Variants in FOXM1 observed in about 807,000 individuals in gnomAD.
The protein encoded by FOXM1 is forkhead box M1.
Under a neutral mutation model 63.6 loss-of-function variants are expected in FOXM1, and 25 were observed. The ratio of observed to expected loss-of-function variants is 0.39; its 90% CI spans 0.29 to 0.55. The LOEUF (loss-of-function observed/expected upper bound fraction) is 0.55, where lower values mean the gene tolerates loss of function less well. Among genes scored for constraint, FOXM1 ranks in the 20% least tolerant of loss-of-function variants. The pLI is 0.60. For missense variants in FOXM1, 879 were observed against 958.7 expected (o/e 0.92, Z 1.10); for synonymous variants, 387 against 376.9 (o/e 1.03, Z -0.31).
rs1475970440 is a variant in FOXM1, at chr12:2,874,569, C to T, written c.-47-44G>A. 2.2e-6 allele frequency: 3 copies of T among 1,364,824 alleles called. No individual in the cohort carries two copies. Among genetic ancestry groups the T allele is most frequent in the South Asian group, 1.4e-5 (1 of 71,488 alleles). 84.5% of individuals were successfully genotyped at this position (1,364,824 alleles called of 1,614,324 possible). On this transcript the variant is annotated intron_variant, in intron 1 of 8. Transcript: ENST00000359843. This position sits in a 1 kb window ranked among gnomAD's most constrained non-coding sequence, Gnocchi z 4.3. The stretch of plus-strand genomic sequence containing the variant: ...GGCAAGATGTTAGAGATTGTTTAGG[C>T]TGAGAAGAGGTCCTTTTAGAGAAAG...
rs1470169668 is a variant in FOXM1 at position 2,872,877 on chromosome 12, C to A, written c.503-630G>T. On this transcript the variant is annotated intron_variant, in intron 2 of 8. Coordinates refer to ENST00000359843, the MANE Select transcript of FOXM1 (RefSeq NM_021953.4). The surrounding 1 kb of genome is among the most constrained non-coding windows in gnomAD (Gnocchi z 4.0). ...TTTCAGCCTGGGCAATATAGTGGGACCCCATCTCTGCAAAAAGAAAAAAAA... is the reference window on the plus strand; with the variant it reads ...TTTCAGCCTGGGCAATATAGTGGGAACCCATCTCTGCAAAAAGAAAAAAAA... 6.6e-6 allele frequency among the ~76,000 whole-genome samples: 1 copy of A among 151,910 alleles called. No individual in the cohort carries two copies. Among genetic ancestry groups the A allele is most frequent in the African/African-American group, 2.4e-5 (1 of 41,356 alleles).
Position 2,864,551 on chromosome 12 carries a change from G to A in FOXM1, c.1091-56C>T. Reference sequence around the variant, plus strand: ...GGGGACTGGAGTACACCCCTTCTCAGCCCCAGGAGCTTTGCTCTCCTTCTC... The same window carrying A: ...GGGGACTGGAGTACACCCCTTCTCAACCCCAGGAGCTTTGCTCTCCTTCTC... On this transcript the variant is annotated intron_variant, in intron 7 of 8. Transcript: ENST00000359843. This position sits in a 1 kb window ranked among gnomAD's most constrained non-coding sequence, Gnocchi z 5.1. The A allele has an allele frequency of 6.3e-7, 1 of 1,585,010 alleles. No individual in the cohort carries two copies. The highest frequency in any genetic ancestry group is 8.6e-7 in the Non-Finnish European group (1 of 1,156,870).
intron 8 of FOXM1, among the ~76,000 whole-genome samples, chr12:2,861,816 A>T (rs989169071): frequency 6.6e-6 from 1 of 152,212 alleles, no homozygotes; most frequent in Non-Finnish European, 1.5e-5. Context: ...TATTACATGG[A>T]CACTAAAAAA....
chr12:2,872,214 T>C lies in FOXM1; in HGVS notation c.536A>G (p.Asn179Ser), dbSNP rs199924724. ...AAGCCACTGGATGTTGGATAGGCTA[T>C]TGTTGATAGTGCAGCCTGCTGCCTC... The part of the protein sequence containing the change: ...DGEAAGCTIN[N>S]SLSNIQWLRK... Residue 179 changes from asparagine (N) to serine (S), a missense_variant, in exon 3 of 9, where the codon AAT becomes AGT. By Grantham distance (46) the Asn-to-Ser change is conservative. Transcript: ENST00000359843. This position sits in a 1 kb window ranked among gnomAD's most constrained non-coding sequence, Gnocchi z 4.0. The C allele has an allele frequency of 1.2e-6, 2 of 1,614,214 alleles. No homozygotes were observed. Among genetic ancestry groups the C allele is most frequent in the East Asian group, 2.2e-5 (1 of 44,890 alleles).
rs2098093122 is a variant in FOXM1, at chr12:2,857,823, T to A, written c.*815A>T. The A allele has an allele frequency of 6.6e-6, 1 of 152,362 alleles. No homozygotes were observed. Among genetic ancestry groups the A allele is most frequent in the Admixed American group, 6.5e-5 (1 of 15,276 alleles). The allele number at this position is 152,362 out of a possible 1,614,324, so 9.4% of individuals were successfully genotyped here. ...GGCAGGTCAGGGGCCCTTTCGGCCT[T>A]CTCAAGCCTCCACCTGAGTTCTCGT... On this transcript the variant is annotated 3_prime_UTR_variant, in exon 9 of 9. Transcript: ENST00000359843.
intron 4 of FOXM1, 101 bp from the exon 5 acceptor site, chr12:2,866,622 C>G (rs778495642): frequency 2.3e-6 from 3 of 1,290,018 alleles, no homozygotes; most frequent in Non-Finnish European, 2.1e-6. Flanking sequence ...TCCCACTGTG[C>G]TCAGCACAGG....
Position 2,859,257 on chromosome 12 carries a change from G to C in FOXM1, c.1673C>G (p.Pro558Arg), listed in dbSNP as rs757092453. ...QHLLPPCVDE[P>R]ELLFSEGPST... Reference sequence around the variant, plus strand: ...GGGCCCCTCTGAGAAGAGCAGCTCCGGCTCATCCACACAGGGAGGCAGTAG... The same window carrying C: ...GGGCCCCTCTGAGAAGAGCAGCTCCCGCTCATCCACACAGGGAGGCAGTAG... Residue 558 changes from proline to arginine, a missense_variant, in exon 9 of 9, where the codon CCG (proline) becomes CGG (arginine). Coordinates refer to ENST00000359843, the MANE Select transcript of FOXM1 (RefSeq NM_021953.4). The C allele has an allele frequency of 6.2e-7, 1 of 1,613,564 alleles. No homozygotes were observed. The highest frequency in any genetic ancestry group is 8.5e-7 in the Non-Finnish European group (1 of 1,180,018).
Position 2,859,104 on chromosome 12 carries a change from G to A in FOXM1, c.1826C>T (p.Ser609Phe), listed in dbSNP as rs999276165. 1.9e-6 allele frequency: 3 copies of A among 1,606,320 alleles called. No homozygotes were observed. The highest frequency in any genetic ancestry group is 1.3e-5 in the African/African-American group (1 of 74,760). The change falls in exon 9 of 9, where the codon TCC becomes TTC. Residue 609 changes from serine to phenylalanine, a missense_variant. Physicochemically the swap from Ser to Phe is radical, Grantham distance 155. Around this residue, in one of 4 missense-constraint regions of FOXM1, gnomAD observed 486 missense variants for 453.5 expected, o/e 1.07. Coordinates refer to ENST00000359843, the MANE Select transcript of FOXM1 (RefSeq NM_021953.4). ...GAGGACAGATTTGCTCGGGGTGGAGGAGATGGGCAGCGTTTCCTTAATGGG... is the reference window on the plus strand; with the variant it reads ...GAGGACAGATTTGCTCGGGGTGGAGAAGATGGGCAGCGTTTCCTTAATGGG... ...KTPIKETLPI[S>F]STPSKSVLPR...
intron 4 of FOXM1, among the ~76,000 whole-genome samples, chr12:2,867,046 G>A (rs990074150): frequency 3.9e-5 from 6 of 152,136 alleles, no homozygotes; most frequent in Admixed American, 3.9e-4. Context: ...CCAGCTACTC[G>A]GGAGGCTGAG....
intron 6 of FOXM1, among the ~76,000 whole-genome samples, chr12:2,865,136 C>T (rs965595291): frequency 2.0e-5 from 3 of 152,164 alleles, no homozygotes; most frequent in Non-Finnish European, 4.4e-5. Flanking sequence ...CCTGCTGTGC[C>T]CTGCTCTGCT....
At chr12:2,869,033 G>T (rs1443315074) in intron 3 of FOXM1, among the ~76,000 whole-genome samples, 3 of 152,168 alleles carry the variant, frequency 2.0e-5, no homozygotes, top group African/African-American at 7.2e-5. Context: ...TCTTAGGAAA[G>T]TTTGAGTATG....
chr12:2,861,348 A>G, intron 8 of FOXM1: 1 of 743,150 alleles, frequency 1.3e-6, no homozygotes, highest in East Asian at 2.6e-5. Flanking sequence ...GGGTGTACCA[A>G]AATCTCGCAG....
chr12:2,875,693 C>T (rs1445109329), intron 1 of FOXM1, among the ~76,000 whole-genome samples: 2 of 151,364 alleles, frequency 1.3e-5, no homozygotes, highest in Non-Finnish European at 2.9e-5. Flanking sequence ...ATCATCATTA[C>T]ACTAAGGTGG....
At chr12:2,861,376 TACTC>T (rs752061369) in intron 8 of FOXM1, 23 of 712,772 alleles carry the variant, frequency 3.2e-5, no homozygotes, top group Non-Finnish European at 3.1e-5. Flanking sequence ...CTAAAGAACT[TACTC>T]ATGTAACCAA....
chr12:2,876,036 C>G (rs2098142837), intron 1 of FOXM1, among the ~76,000 whole-genome samples: 1 of 151,978 alleles, frequency 6.6e-6, no homozygotes, highest in African/African-American at 2.4e-5. Context: ...GCTGGGATTA[C>G]AGGCGTGAGC....
At chr12:2,870,979 AAAAG>A (rs1319575052) in intron 3 of FOXM1, among the ~76,000 whole-genome samples, 2 of 150,866 alleles carry the variant, frequency 1.3e-5, no homozygotes, top group Non-Finnish European at 3.0e-5. Context: ...AAAAAAAAAA[AAAAG>A]CAGGAGCTAA....
At chr12:2,863,280 T>TA (rs1220811878) in intron 8 of FOXM1, among the ~76,000 whole-genome samples, 1 of 152,202 alleles carries the variant, frequency 6.6e-6, no homozygotes, top group Non-Finnish European at 1.5e-5. Context: ...AACCCTGAGT[T>TA]AGTCTGACCC....
chr12:2,869,397 G>A (rs2098128919), intron 3 of FOXM1, among the ~76,000 whole-genome samples: 1 of 151,450 alleles, frequency 6.6e-6, no homozygotes, highest in Admixed American at 6.6e-5. Flanking sequence ...CAGCCTCCAA[G>A]TAGCTGGGAC....
rs774045890 is a variant in FOXM1 at position 2,859,034 on chromosome 12, T to C, written c.1896A>G (p.Val632=). 8 of 1,610,332 alleles carry C rather than the reference T, an allele frequency of 5.0e-6. No homozygotes were observed. The highest frequency in any genetic ancestry group is 5.9e-6 in the Non-Finnish European group (7 of 1,178,084). The part of the protein sequence containing the change: ...ESWRLTPPAK[V]GGLDFSPVQT... ...GTACTGGGCTGAAATCCAGTCCCCCTACTTTGGCTGGGGGCGTGAGCCTCC... is the reference window on the plus strand; with the variant it reads ...GTACTGGGCTGAAATCCAGTCCCCCCACTTTGGCTGGGGGCGTGAGCCTCC... Residue 632 remains valine (V), a synonymous_variant, in exon 9 of 9, where the codon GTA becomes GTG. Coordinates refer to ENST00000359843, the MANE Select transcript of FOXM1 (RefSeq NM_021953.4).
Sources: allele counts gnomAD v4.1 joint callset (sites outside exome capture counted in the v4.1 genomes callset), GRCh38; gene constraint gnomAD v4.1.1; regional missense constraint gnomAD v4.1.1; non-coding constraint Gnocchi (gnomAD v3.1); transcripts MANE v1.5; gene names NCBI Gene and HGNC (gene_info 2026-07-23, HGNC 2026-07-21).